Variants in TENM3 observed in about 807,000 individuals in gnomAD.
TENM3 encodes teneurin-3.
In TENM3, 63 loss-of-function variants were observed where a neutral mutation model predicts 255.1. The observed-to-expected ratio is 0.25, with a 90% CI of 0.20 to 0.30. The LOEUF (loss-of-function observed/expected upper bound fraction) is 0.30, where lower values mean the gene tolerates loss of function less well. Ranked by LOEUF, TENM3 falls within the 10% of genes least tolerant of loss-of-function variation. TENM3 has a pLI of 1.00. For missense variants in TENM3, 2,929 were observed against 3,461.1 expected (o/e 0.85, Z 3.86); for synonymous variants, 1,306 against 1,322.3 (o/e 0.99, Z 0.27).
intron 1 of TENM3, among the ~76,000 whole-genome samples, chr4:182,264,040 G>A (rs993365516): frequency 4.6e-5 from 7 of 152,210 alleles, no homozygotes; most frequent in African/African-American, 1.2e-4. Flanking sequence ...AGCCTGGCTT[G>A]CCGGCAAAGG....
At chr4:182,499,262 A>G (rs1198510937) in intron 3 of TENM3, among the ~76,000 whole-genome samples, 1 of 152,240 alleles carries the variant, frequency 6.6e-6, no homozygotes, top group East Asian at 1.9e-4. Context: ...TAGGGTAACA[A>G]AAAAGAAAAT....
intron 3 of TENM3, among the ~76,000 whole-genome samples, chr4:182,452,125 A>T (rs1773512293): frequency 6.6e-6 from 1 of 152,216 alleles, no homozygotes; most frequent in African/African-American, 2.4e-5. Context: ...TGTAGTTTAG[A>T]TTAAAGGATG....
At chr4:181,822,505 CT>C in the TENM3 span, among the ~76,000 whole-genome samples, 39 of 152,286 alleles carry the variant, frequency 2.6e-4, 1 homozygote, top group African/African-American at 8.9e-4. Flanking sequence ...AAGCTCATAT[CT>C]GTTGAACTAG....
intron 1 of TENM3, among the ~76,000 whole-genome samples, chr4:182,300,066 C>G (rs959542082): frequency 2.0e-5 from 3 of 152,134 alleles, no homozygotes; most frequent in Non-Finnish European, 4.4e-5. Context: ...CAGGTGTTCA[C>G]AGCCACGCCT....
At chr4:181,711,315 C>T in the TENM3 span, among the ~76,000 whole-genome samples, 10 of 151,022 alleles carry the variant, frequency 6.6e-5, no homozygotes, top group Non-Finnish European at 1.0e-4. Flanking sequence ...AGTTTAAATC[C>T]ACTGTGTGCC....
At chr4:181,479,689 T>G in the TENM3 span, among the ~76,000 whole-genome samples, 1 of 152,150 alleles carries the variant, frequency 6.6e-6, no homozygotes, top group African/African-American at 2.4e-5. Context: ...TGTCCTACCT[T>G]GTTGATACTG....
chr4:181,900,823 C>A, the TENM3 span, among the ~76,000 whole-genome samples: 1 of 152,298 alleles, frequency 6.6e-6, no homozygotes, highest in Middle Eastern at 3.4e-3. Context: ...TCGTTGAGAA[C>A]AGAATTATAA....
rs56840457 is a variant in TENM3, at chr4:182,574,173, A to T, written c.512-26751A>T. The stretch of plus-strand genomic sequence containing the variant: ...ACAAACTTGGAAATTTCGTTTGGTT[A>T]TGTTATTTGTATTCTTTCATATGCC... On this transcript the variant is annotated intron_variant, in intron 3 of 27. Transcript: ENST00000511685. Among the ~76,000 whole-genome samples, 1,352 of 152,204 alleles carry T rather than the reference A, an allele frequency of 8.9e-3. 19 individuals are homozygous for T. The highest frequency in any genetic ancestry group is 0.03 in the African/African-American group (1,264 of 41,550).
At chr4:182,103,054 T>A in the TENM3 span, among the ~76,000 whole-genome samples, 3 of 152,162 alleles carry the variant, frequency 2.0e-5, no homozygotes, top group Non-Finnish European at 2.9e-5. Flanking sequence ...AATAAAAAAT[T>A]TACAAAATAA....
At chr4:182,652,924 G>A (rs1753441094) in intron 5 of TENM3, among the ~76,000 whole-genome samples, 1 of 152,136 alleles carries the variant, frequency 6.6e-6, no homozygotes, top group Non-Finnish European at 1.5e-5. Flanking sequence ...TATTAGGTGA[G>A]TATGACAGCG....
intron 5 of TENM3, among the ~76,000 whole-genome samples, chr4:182,651,555 G>A (rs1269792770): frequency 2.0e-5 from 3 of 152,128 alleles, no homozygotes; most frequent in African/African-American, 4.8e-5. Flanking sequence ...AAATTAGCTG[G>A]GCGTGGCGGC....
intron 19 of TENM3, chr4:182,744,093 C>CTTTT (rs957977132): frequency 0.086 from 37,528 of 434,812 alleles, 925 homozygotes; most frequent in East Asian, 0.093. Flanking sequence ...ACTGTGCTTT[C>CTTTT]TTTTTTTTTT....
intron 13 of TENM3, among the ~76,000 whole-genome samples, chr4:182,726,356 C>T (rs369697030): frequency 2.2e-4 from 34 of 152,334 alleles, no homozygotes; most frequent in African/African-American, 7.5e-4. Flanking sequence ...CTGAAAAGCC[C>T]AGGAGGTCAA....
the TENM3 span, among the ~76,000 whole-genome samples, chr4:181,988,773 C>G: frequency 1.3e-5 from 2 of 151,300 alleles, no homozygotes; most frequent in Non-Finnish European, 2.9e-5. Context: ...AGTAGATACC[C>G]AAAAAGGGGC....
chr4:181,496,216 G>A, the TENM3 span, among the ~76,000 whole-genome samples: 1 of 152,168 alleles, frequency 6.6e-6, no homozygotes, highest in South Asian at 2.1e-4. Flanking sequence ...TTGAGGAGCA[G>A]AAAAAGACTA....
At chr4:182,191,745 T>C (rs1259212466) in intron 1 of TENM3, among the ~76,000 whole-genome samples, 3 of 152,202 alleles carry the variant, frequency 2.0e-5, no homozygotes, top group Non-Finnish European at 4.4e-5. Flanking sequence ...GGGACTCTGC[T>C]ATCAGCCAGA....
At chr4:182,449,197 C>G (rs1366158274) in intron 3 of TENM3, 1 of 46,038 alleles carries the variant, frequency 2.2e-5, no homozygotes, top group African/African-American at 1.2e-4. Flanking sequence ...GCGGCGGTGG[C>G]GGTGGCGGTG....
At chr4:182,244,894 G>C (rs757182124) in intron 1 of TENM3, among the ~76,000 whole-genome samples, 4 of 152,164 alleles carry the variant, frequency 2.6e-5, no homozygotes, top group Non-Finnish European at 4.4e-5. Context: ...TGTTATTTAT[G>C]TTCTAATTAA....
At chr4:182,019,381 A>G in the TENM3 span, among the ~76,000 whole-genome samples, 1 of 152,122 alleles carries the variant, frequency 6.6e-6, no homozygotes, top group Non-Finnish European at 1.5e-5. Context: ...CTCATGACCT[A>G]CAGTGCAGGA....
Sources: allele counts gnomAD v4.1 joint callset (sites outside exome capture counted in the v4.1 genomes callset), GRCh38; gene constraint gnomAD v4.1.1; transcripts MANE v1.5; gene names NCBI Gene and HGNC (gene_info 2026-07-23, HGNC 2026-07-21).